The following ROR2 variants were observed in gnomAD, a reference collection of about 807,000 sequenced individuals.
ROR2 encodes ROR family WNT receptor 2, also known as tyrosine-protein kinase transmembrane receptor ROR2.
In ROR2, 33 loss-of-function variants were observed where a neutral mutation model predicts 74.9. That is an observed-to-expected ratio of 0.44 (90% confidence interval 0.33 to 0.59). ROR2 has a LOEUF of 0.59. Ranked by LOEUF, ROR2 falls within the 20% of genes least tolerant of loss-of-function variation. ROR2 has a pLI of 0.02. For missense variants in ROR2, 1,216 were observed against 1,313.8 expected (o/e 0.93, Z 1.15); for synonymous variants, 586 against 558.7 (o/e 1.05, Z -0.69).
chr9:91,880,530 G>A (rs746666244), intron 1 of ROR2, among the ~76,000 whole-genome samples: 12 of 152,152 alleles, frequency 7.9e-5, no homozygotes, highest in Non-Finnish European at 1.6e-4. Flanking sequence ...TGAGGTTGAC[G>A]GTTTCCAAGA....
intron 1 of ROR2, among the ~76,000 whole-genome samples, chr9:91,924,162 C>A (rs955798137): frequency 6.6e-6 from 1 of 152,238 alleles, no homozygotes; most frequent in Non-Finnish European, 1.5e-5. Flanking sequence ...GGGAGGGACA[C>A]TTGAGGGCAA....
intron 4 of ROR2, among the ~76,000 whole-genome samples, chr9:91,750,149 G>A (rs746379306): frequency 3.3e-5 from 5 of 152,142 alleles, no homozygotes; most frequent in South Asian, 2.1e-4. Context: ...TGATCCACCC[G>A]CCTTGGCCTC....
intron 1 of ROR2, among the ~76,000 whole-genome samples, chr9:91,834,792 G>GCACA (rs1008942428): frequency 3.3e-5 from 5 of 152,204 alleles, no homozygotes; most frequent in Non-Finnish European, 5.9e-5. Context: ...TGGCCCATCT[G>GCACA]CACACACACA....
At chr9:91,924,796 T>C (rs528804085) in intron 1 of ROR2, among the ~76,000 whole-genome samples, 1 of 148,446 alleles carries the variant, frequency 6.7e-6, no homozygotes, top group Non-Finnish European at 1.5e-5. Context: ...AAAAAAAAAA[T>C]TCTGATTCAA....
At chr9:91,726,804 C>G in intron 7 of ROR2, 61 bp from the exon 8 acceptor site, 3 of 1,544,590 alleles carry the variant, frequency 1.9e-6, no homozygotes, top group East Asian at 4.5e-5. Context: ...TCTAAGTTCT[C>G]TACCAACCCA....
intron 1 of ROR2, among the ~76,000 whole-genome samples, chr9:91,909,513 ATT>A (rs36122642): frequency 0.044 from 5,959 of 136,218 alleles, 142 homozygotes; most frequent in South Asian, 0.064. Flanking sequence ...CATCCAACTA[ATT>A]TTTTTTTTTT....
chr9:91,874,189 A>G (rs985684444), intron 1 of ROR2, among the ~76,000 whole-genome samples: 3 of 152,200 alleles, frequency 2.0e-5, no homozygotes, highest in African/African-American at 7.2e-5. Context: ...TTTTCACTCC[A>G]CTGACATGAA....
intron 1 of ROR2, among the ~76,000 whole-genome samples, chr9:91,900,642 G>T (rs1319744840): frequency 2.0e-5 from 3 of 152,182 alleles, no homozygotes; most frequent in African/African-American, 7.2e-5. Context: ...AGGACTCCTC[G>T]CGGGGCACGT....
At chr9:91,759,598 G>A (rs1174738603) in intron 2 of ROR2, among the ~76,000 whole-genome samples, 2 of 152,166 alleles carry the variant, frequency 1.3e-5, no homozygotes, top group South Asian at 2.1e-4. Context: ...TTGTTTCTCT[G>A]TTGAATGCAG....
intron 2 of ROR2, among the ~76,000 whole-genome samples, chr9:91,765,974 A>G (rs1042326502): frequency 6.6e-6 from 1 of 152,190 alleles, no homozygotes; most frequent in Admixed American, 6.5e-5. Context: ...AGTACATCCA[A>G]TTCCAAGTGA....
At chr9:91,757,163 C>T in intron 3 of ROR2, 109 bp downstream of exon 3, 1 of 1,417,806 alleles carries the variant, frequency 7.1e-7, no homozygotes, top group South Asian at 1.2e-5. Context: ...ATTGCTCTCC[C>T]CTCGTGCTGA....
At chr9:91,810,727 T>C (rs1183505972) in intron 1 of ROR2, among the ~76,000 whole-genome samples, 2 of 152,112 alleles carry the variant, frequency 1.3e-5, no homozygotes, top group Non-Finnish European at 2.9e-5. Flanking sequence ...AGCCCTGCGG[T>C]CTGTGTCACC....
chr9:91,863,333 G>A (rs1034366908), intron 1 of ROR2, among the ~76,000 whole-genome samples: 1 of 152,120 alleles, frequency 6.6e-6, no homozygotes, highest in Non-Finnish European at 1.5e-5. Context: ...AGTTACCAGA[G>A]GACTCTGCCT....
intron 1 of ROR2, among the ~76,000 whole-genome samples, chr9:91,796,628 T>A (rs2119028544): frequency 6.6e-6 from 1 of 152,228 alleles, no homozygotes; most frequent in East Asian, 1.9e-4. Flanking sequence ...CGCCCTGGGC[T>A]CAGTGGGAGG....
At chr9:91,876,748 G>T (rs1829965346) in intron 1 of ROR2, among the ~76,000 whole-genome samples, 1 of 151,990 alleles carries the variant, frequency 6.6e-6, no homozygotes, top group Non-Finnish European at 1.5e-5. Context: ...ATCAAAATAG[G>T]ATTCCAACAT....
At chr9:91,868,779 C>A (rs1166564806) in intron 1 of ROR2, among the ~76,000 whole-genome samples, 1 of 152,170 alleles carries the variant, frequency 6.6e-6, no homozygotes, top group Non-Finnish European at 1.5e-5. Context: ...ATAGAACTCA[C>A]TGTCAGCAGA....
rs35146225 is a variant in ROR2 at position 91,735,606 on chromosome 9, C to CTTTTTTTTTTTTTTTTTTTTT, written c.622+1764_622+1784dup. Among the ~76,000 whole-genome samples the CTTTTTTTTTTTTTTTTTTTTT allele has an allele frequency of 2.0e-4, 16 of 79,012 alleles. 1 individual carries two copies. The highest frequency in any genetic ancestry group is 5.1e-4 in the South Asian group (1 of 1,948). 51.8% of individuals were successfully genotyped at this position (79,012 alleles called of 152,430 possible). A position where few individuals can be genotyped will look rare whatever the true frequency, so the allele number is the denominator to read the frequency against. ...GCACGGTTCCTACTAAGGGCTCTAA[C>CTTTTTTTTTTTTTTTTTTTTT]TTTTTTTTTTTTTTTTTTTTTTTTT... On this transcript the variant is annotated intron_variant, in intron 5 of 8. Coordinates refer to ENST00000375708, the MANE Select transcript of ROR2 (RefSeq NM_004560.4).
chr9:91,809,013 A>G (rs1475908814), intron 1 of ROR2, among the ~76,000 whole-genome samples: 1 of 151,910 alleles, frequency 6.6e-6, no homozygotes, highest in African/African-American at 2.4e-5. Context: ...AAAAAAAAAA[A>G]AGTGTGAAGT....
At position 91,722,728 on chromosome 9, in the gene ROR2, T is replaced by G. The variant is rs1047449762; in HGVS notation, c.*934A>C. 30 of 696,154 alleles carry G rather than the reference T, an allele frequency of 4.3e-5. No homozygotes were observed. In the African/African-American group the frequency reaches 4.3e-4, roughly 10 times the overall value. 43.1% of individuals were successfully genotyped at this position (696,154 alleles called of 1,614,324 possible). On this transcript the variant is annotated 3_prime_UTR_variant, in exon 9 of 9. Transcript: ENST00000375708. ...GGGGCTGTAAAATGAATGGACCTCA[T>G]GTGCACGTGGTACAGAGAGAAGCAA...
Sources: gnomAD v4.1 joint callset for allele counts (sites outside exome capture counted in the v4.1 genomes callset) on GRCh38, gnomAD v4.1.1 for gene constraint, MANE v1.5 for transcripts, NCBI Gene and HGNC (gene_info 2026-07-23, HGNC 2026-07-21) for gene names.